The following TTLL7 variants were observed in gnomAD, a reference collection of about 807,000 sequenced individuals.
TTLL7 encodes tubulin polyglutamylase TTLL7.
TTLL7 carries 53 observed loss-of-function variants against 120.2 expected under a neutral mutation model. The observed-to-expected ratio is 0.44, with a 90% confidence interval of 0.35 to 0.55. TTLL7 has a LOEUF of 0.55. TTLL7 is among the 20% of genes least tolerant of loss of function. TTLL7 has a pLI of 0.00. For synonymous variants in TTLL7, 353 were observed against 351.7 expected, an observed-to-expected ratio of 1.00 and a Z score of -0.04; for missense variants, 803 against 1,054.7, an observed-to-expected ratio of 0.76 and a Z score of 3.31.
At chr1:83,967,311 A>G (rs1650555841) in intron 1 of TTLL7, among the ~76,000 whole-genome samples, 1 of 127,888 alleles carries the variant, frequency 7.8e-6, no homozygotes, top group African/African-American at 2.5e-5. Context: ...TTTGCCAACT[A>G]TGCCAACAGT....
intron 1 of TTLL7, among the ~76,000 whole-genome samples, chr1:83,993,084 C>G (rs561241549): frequency 6.6e-6 from 1 of 152,236 alleles, no homozygotes; most frequent in Admixed American, 6.5e-5. Flanking sequence ...AAGATGCTAA[C>G]TTTTTCTACC....
chr1:83,896,000 TTAA>T (rs1656190673), intron 18 of TTLL7, among the ~76,000 whole-genome samples: 1 of 152,042 alleles, frequency 6.6e-6, no homozygotes, highest in African/African-American at 2.4e-5. Flanking sequence ...AAATACTCAC[TTAA>T]TAATTTTAAG....
In TTLL7 at chr1:83,947,369, G is replaced by T. The variant is rs1011397348; in HGVS notation, c.348-87C>A. On this transcript the variant is annotated intron_variant, in intron 5 of 20. Coordinates refer to ENST00000260505, the MANE Select transcript of TTLL7 (RefSeq NM_024686.6). ...CTGGGCTACTGATATTTGCCACAAA[G>T]ATTTAAATTTTCTCCATTCCTTCAT... 7 of 1,236,044 alleles carry T rather than the reference G, an allele frequency of 5.7e-6. No individual in the cohort carries two copies. The Admixed American group carries it at 8.4e-5, about 15-fold the overall frequency. The allele number at this position is 1,236,044 out of a possible 1,614,324, so 76.6% of individuals were successfully genotyped here.
At chr1:83,912,254 G>A (rs74094991) in intron 14 of TTLL7, among the ~76,000 whole-genome samples, 158 of 152,250 alleles carry the variant, frequency 1.0e-3, no homozygotes, top group African/African-American at 3.7e-3. Context: ...ATGCCATGCT[G>A]TTACGTGTTA....
At chr1:83,871,201 T>A (rs1653359851) in intron 20 of TTLL7, among the ~76,000 whole-genome samples, 1 of 152,064 alleles carries the variant, frequency 6.6e-6, no homozygotes, top group African/African-American at 2.4e-5. Context: ...TTTGTATTTT[T>A]AATAGAGACG....
chr1:83,902,502 G>A (rs1656807514), intron 18 of TTLL7, among the ~76,000 whole-genome samples: 1 of 151,986 alleles, frequency 6.6e-6, no homozygotes, highest in Admixed American at 6.6e-5. Context: ...TACAACCTCT[G>A]TCAGCAATAT....
At chr1:83,910,269 G>A (rs1193984469) in intron 15 of TTLL7, among the ~76,000 whole-genome samples, 1 of 152,098 alleles carries the variant, frequency 6.6e-6, no homozygotes, top group Non-Finnish European at 1.5e-5. Flanking sequence ...ATTGCTGACG[G>A]TAAAAAGGGC....
At chr1:83,964,375 C>T (rs981581778) in intron 1 of TTLL7, among the ~76,000 whole-genome samples, 1 of 152,110 alleles carries the variant, frequency 6.6e-6, no homozygotes, top group Admixed American at 6.6e-5. Flanking sequence ...AATATAATCT[C>T]TATAGATACT....
chr1:83,909,269 C>CTTTTTTTTTTTTTTTTTTT (rs71582911), intron 15 of TTLL7, among the ~76,000 whole-genome samples: 1 of 99,296 alleles, frequency 1.0e-5, no homozygotes. Flanking sequence ...TTTTTTTTTC[C>CTTTTTTTTTTTTTTTTTTT]TTTTTTTTTT....
chr1:83,918,856 T>C (rs1439844873), intron 13 of TTLL7, among the ~76,000 whole-genome samples: 1 of 152,136 alleles, frequency 6.6e-6, no homozygotes. Context: ...ATCTGTCATG[T>C]CTGGACATAT....
chr1:83,969,767 T>C (rs1319496277), intron 1 of TTLL7, among the ~76,000 whole-genome samples: 1 of 151,944 alleles, frequency 6.6e-6, no homozygotes, highest in African/African-American at 2.4e-5. Flanking sequence ...TTACATAAAT[T>C]ATGATATAGC....
intron 20 of TTLL7, among the ~76,000 whole-genome samples, chr1:83,873,459 AT>A (rs1395561749): frequency 6.6e-6 from 1 of 152,156 alleles, no homozygotes; most frequent in Non-Finnish European, 1.5e-5. Context: ...GGGTTTACGG[AT>A]TAAAGAATTT....
chr1:83,880,516 T>C (rs984451205), intron 20 of TTLL7, among the ~76,000 whole-genome samples: 3 of 151,984 alleles, frequency 2.0e-5, no homozygotes, highest in Admixed American at 2.0e-4. Context: ...ACAGATCAAT[T>C]TCTAGGTGTT....
Position 83,919,714 on chromosome 1 carries a change from A to C in TTLL7, c.1485T>G (p.Pro495=), listed in dbSNP as rs370703007. 21 of 1,611,636 alleles carry C rather than the reference A, an allele frequency of 1.3e-5. No homozygotes were observed. The highest frequency in any genetic ancestry group is 1.8e-5 in the Non-Finnish European group (21 of 1,178,978). ...ATTCTCTTACCTTCATCCTTTTCAA[A>C]GGATTATTCAACTCTCGCTGGAATG... ...AASFQRELNN[P]LKRMKEEDIL... The change falls in exon 13 of 21, where the codon CCT becomes CCG. Residue 495 remains proline, a synonymous_variant. Transcript: ENST00000260505.
At chr1:83,919,581 G>A (rs1266284319) in intron 13 of TTLL7, 118 bp downstream of exon 13, 1 of 911,896 alleles carries the variant, frequency 1.1e-6, no homozygotes, top group Non-Finnish European at 1.6e-6. Flanking sequence ...TAGAAAGCTT[G>A]GGGAAAGCAT....
intron 14 of TTLL7, among the ~76,000 whole-genome samples, chr1:83,911,608 G>A (rs1571157951): frequency 6.6e-6 from 1 of 151,884 alleles, no homozygotes. Flanking sequence ...TACATGATTG[G>A]AATAAAGGGC....
At chr1:83,996,447 T>C (rs1571429325) in intron 1 of TTLL7, among the ~76,000 whole-genome samples, 1 of 152,316 alleles carries the variant, frequency 6.6e-6, no homozygotes, top group Non-Finnish European at 1.5e-5. Flanking sequence ...TAGCTGAACC[T>C]TTATGTGGCT....
intron 1 of TTLL7, among the ~76,000 whole-genome samples, chr1:83,973,221 T>G (rs1243618314): frequency 6.6e-6 from 1 of 152,100 alleles, no homozygotes; most frequent in East Asian, 1.9e-4. Flanking sequence ...ATTTAGCTAT[T>G]TGGTCTGCTT....
At chr1:83,908,463 G>A (rs34384752) in intron 15 of TTLL7, among the ~76,000 whole-genome samples, 73 of 152,038 alleles carry the variant, frequency 4.8e-4, no homozygotes, top group Non-Finnish European at 8.2e-4. Flanking sequence ...TTTTTAAGTA[G>A]GTTAAATTCC....
Sources: gnomAD v4.1 joint callset for allele counts (sites outside exome capture counted in the v4.1 genomes callset) on GRCh38, gnomAD v4.1.1 for gene constraint, MANE v1.5 for transcripts, NCBI Gene and HGNC (gene_info 2026-07-23, HGNC 2026-07-21) for gene names.